The following PLCL1 variants were observed in gnomAD, a reference collection of about 807,000 sequenced individuals.
PLCL1 encodes the protein inactive phospholipase C-like protein 1.
In PLCL1, 41 loss-of-function variants were observed where a neutral mutation model predicts 84.4. That is an observed-to-expected ratio of 0.49 (90% CI 0.38 to 0.63). The LOEUF is 0.63. Among genes scored for constraint, PLCL1 ranks in the 30% least tolerant of loss-of-function variants. The probability of loss-of-function intolerance (pLI) is 0.00; values close to 1 mark genes in which losing one functional copy is unlikely to be tolerated. For missense variants in PLCL1, 1,206 were observed against 1,367.8 expected, an observed-to-expected ratio of 0.88 and a Z score of 1.87; for synonymous variants, 490 against 488.3, an observed-to-expected ratio of 1.00 and a Z score of -0.05.
intron 5 of PLCL1, among the ~76,000 whole-genome samples, chr2:198,129,036 A>G (rs987286714): frequency 1.3e-5 from 2 of 152,216 alleles, no homozygotes; most frequent in African/African-American, 4.8e-5. Context: ...ATAAGATACC[A>G]AATTCCAACC....
At chr2:198,103,330 T>C (rs2105913506) in intron 4 of PLCL1, among the ~76,000 whole-genome samples, 1 of 152,138 alleles carries the variant, frequency 6.6e-6, no homozygotes, top group South Asian at 2.1e-4. Flanking sequence ...GTATATATTT[T>C]TGGGGTACAT....
chr2:198,146,977 G>C lies in PLCL1; in HGVS notation c.*15G>C. 1 of 1,569,606 alleles carries C rather than the reference G, an allele frequency of 6.4e-7. No homozygotes were observed. The highest frequency in any genetic ancestry group is 2.3e-5 in the East Asian group (1 of 43,932). ...GGAAGCTGTGACTCTGGGCATTATC[G>C]ACACGTTCACCCATCTTATCAAGGA... On this transcript the variant is annotated 3_prime_UTR_variant, in exon 6 of 6. Transcript: ENST00000428675.
At chr2:198,010,364 A>G (rs1028195734) in intron 1 of PLCL1, among the ~76,000 whole-genome samples, 4 of 151,790 alleles carry the variant, frequency 2.6e-5, no homozygotes, top group Non-Finnish European at 3.0e-5. Context: ...TGTTGAGTGT[A>G]TTTATCATGA....
intron 1 of PLCL1, among the ~76,000 whole-genome samples, chr2:197,940,470 A>G (rs1284640851): frequency 6.6e-6 from 1 of 152,226 alleles, no homozygotes; most frequent in African/African-American, 2.4e-5. Context: ...TCAAAATCTG[A>G]TAACAATTCC....
chr2:197,889,578 A>G (rs920777969), intron 1 of PLCL1, among the ~76,000 whole-genome samples: 4 of 152,164 alleles, frequency 2.6e-5, no homozygotes, highest in African/African-American at 7.2e-5. Context: ...CCAAGAAGCA[A>G]ATATGTTCAA....
In PLCL1 at chr2:198,061,598, C is replaced by CATTATT. The variant is rs34942811; in HGVS notation, c.241-22147_241-22142dup. ...CATTCCTCCATTGCAAATGTATCGT[C>CATTATT]ATTATTATTATTATTATTTTGAGAC... On this transcript the variant is annotated intron_variant, in intron 1 of 5. Coordinates refer to ENST00000428675, the MANE Select transcript of PLCL1 (RefSeq NM_006226.4). Among the ~76,000 whole-genome samples, 219 of 150,908 alleles carry CATTATT rather than the reference C, an allele frequency of 1.5e-3. 2 individuals carry two copies. The highest frequency in any genetic ancestry group is 6.8e-3 in the Middle Eastern group (2 of 292).
At chr2:198,002,957 C>T (rs1690637702) in intron 1 of PLCL1, among the ~76,000 whole-genome samples, 1 of 152,144 alleles carries the variant, frequency 6.6e-6, no homozygotes, top group Admixed American at 6.5e-5. Flanking sequence ...GTCAGGATTT[C>T]CAGCCCTCTA....
intron 1 of PLCL1, among the ~76,000 whole-genome samples, chr2:197,822,521 G>A (rs1390191094): frequency 6.6e-6 from 1 of 152,068 alleles, no homozygotes; most frequent in East Asian, 1.9e-4. Flanking sequence ...ACATTTATTG[G>A]GTGCTTACCA....
chr2:197,953,750 C>T (rs923715075), intron 1 of PLCL1, among the ~76,000 whole-genome samples: 1 of 151,940 alleles, frequency 6.6e-6, no homozygotes, highest in African/African-American at 2.4e-5. Flanking sequence ...TATTCTCCTA[C>T]CAAACTGAAT....
At chr2:197,892,839 A>G (rs1688056236) in intron 1 of PLCL1, among the ~76,000 whole-genome samples, 1 of 152,114 alleles carries the variant, frequency 6.6e-6, no homozygotes, top group African/African-American at 2.4e-5. Context: ...CTAAAAATAC[A>G]AAAATTAGCT....
intron 1 of PLCL1, among the ~76,000 whole-genome samples, chr2:197,891,157 T>C (rs1448586473): frequency 6.6e-6 from 1 of 152,048 alleles, no homozygotes; most frequent in Non-Finnish European, 1.5e-5. Context: ...ATGCATCTCC[T>C]ACATTTAGGT....
intron 1 of PLCL1, among the ~76,000 whole-genome samples, chr2:198,017,001 G>C (rs1396805759): frequency 6.6e-6 from 1 of 152,112 alleles, no homozygotes; most frequent in South Asian, 2.1e-4. Context: ...GCAGATTTTG[G>C]TGGGGAGGCG....
At chr2:198,138,583 A>G (rs1694311348) in intron 5 of PLCL1, among the ~76,000 whole-genome samples, 1 of 152,184 alleles carries the variant, frequency 6.6e-6, no homozygotes. Context: ...GAAGGCCAGT[A>G]CTTGAGTAAA....
intron 1 of PLCL1, among the ~76,000 whole-genome samples, chr2:197,809,990 A>G (rs1690551093): frequency 6.6e-6 from 1 of 152,172 alleles, no homozygotes; most frequent in Non-Finnish European, 1.5e-5. Context: ...TATGTGTTAA[A>G]AGTTCCGAAT....
intron 1 of PLCL1, among the ~76,000 whole-genome samples, chr2:197,958,781 G>A (rs1294348479): frequency 6.6e-6 from 1 of 151,976 alleles, no homozygotes; most frequent in Non-Finnish European, 1.5e-5. Context: ...AATGTGAGCT[G>A]TGAAATGTAC....
intron 5 of PLCL1, among the ~76,000 whole-genome samples, chr2:198,111,272 CA>C (rs1332920208): frequency 6.6e-6 from 1 of 151,862 alleles, no homozygotes; most frequent in Non-Finnish European, 1.5e-5. Flanking sequence ...TCCATCCCAG[CA>C]AATACTTCTA....
At chr2:198,114,339 T>G (rs375161290) in intron 5 of PLCL1, among the ~76,000 whole-genome samples, 49 of 151,896 alleles carry the variant, frequency 3.2e-4, no homozygotes, top group East Asian at 2.0e-3. Context: ...AAATTTAGCA[T>G]CTCTTGGAGG....
At chr2:198,111,551 G>T (rs577983294) in intron 5 of PLCL1, among the ~76,000 whole-genome samples, 53 of 151,958 alleles carry the variant, frequency 3.5e-4, no homozygotes, top group Admixed American at 7.9e-4. Flanking sequence ...CTATATGAGT[G>T]TTTGTTATTT....
chr2:197,899,699 G>A (rs1175227024), intron 1 of PLCL1, among the ~76,000 whole-genome samples: 1 of 146,554 alleles, frequency 6.8e-6, no homozygotes, highest in Non-Finnish European at 1.5e-5. Flanking sequence ...GCAGTGGCGC[G>A]ATCTCGGCTC....
Sources: allele counts gnomAD v4.1 joint callset (sites outside exome capture counted in the v4.1 genomes callset), GRCh38; gene constraint gnomAD v4.1.1; transcripts MANE v1.5; gene names NCBI Gene and HGNC (gene_info 2026-07-23, HGNC 2026-07-21).